AP1B1: variants seen among roughly 807,000 people sequenced by gnomAD.
AP1B1 encodes AP-1 complex subunit beta-1.
Under a neutral mutation model 104.3 loss-of-function variants are expected in AP1B1, and 36 were observed. The observed-to-expected ratio is 0.35, with a 90% confidence interval of 0.26 to 0.46. The LOEUF is 0.46. Ranked by LOEUF, AP1B1 falls within the 20% of genes least tolerant of loss-of-function variation. The pLI is 1.00. For synonymous variants in AP1B1, 504 were observed against 517.5 expected (o/e 0.97, Z 0.35); for missense variants, 901 against 1,247.9 (o/e 0.72, Z 4.19).
intron 1 of AP1B1, among the ~76,000 whole-genome samples, chr22:29,367,916 C>T (rs547961907): frequency 1.3e-5 from 2 of 152,330 alleles, no homozygotes; most frequent in East Asian, 3.9e-4. Context: ...CTGTACTCTA[C>T]AGCAGTTCCC....
rs905377582 is a variant in AP1B1 at position 29,330,422 on chromosome 22, C to A, written c.2722G>T (p.Val908Leu). ...QSLKLTNGIW[V>L]LAELRIQPGN... ...GGCTGGATCCGCAGCTCCGCCAGCA[C>A]CCAGATGCCGTTGGTCAGCTTCAGG... Residue 908 changes from valine to leucine, a missense_variant, in exon 21 of 23, where the codon GTG (valine) becomes TTG (leucine). Coordinates refer to ENST00000357586, the MANE Select transcript of AP1B1 (RefSeq NM_001127.4). 1.4e-5 allele frequency: 22 copies of A among 1,613,720 alleles called. No homozygotes were observed. Among genetic ancestry groups the A allele is most frequent in the Non-Finnish European group, 1.8e-5 (21 of 1,179,980 alleles).
chr22:29,338,066 A>C (rs1466432369), intron 16 of AP1B1, among the ~76,000 whole-genome samples: 1 of 152,184 alleles, frequency 6.6e-6, no homozygotes, highest in East Asian at 1.9e-4. Flanking sequence ...GGTGTGCCCT[A>C]GGTGGCATAG....
At chr22:29,332,954 AG>A (rs1367088584) in intron 17 of AP1B1, among the ~76,000 whole-genome samples, 2 of 152,204 alleles carry the variant, frequency 1.3e-5, no homozygotes, top group African/African-American at 2.4e-5. Context: ...GGCTCAAGTG[AG>A]ACAATACTCC....
intron 7 of AP1B1, among the ~76,000 whole-genome samples, chr22:29,354,188 G>C (rs987262078): frequency 6.6e-6 from 1 of 152,146 alleles, no homozygotes; most frequent in Non-Finnish European, 1.5e-5. Context: ...TCTGTCCCCC[G>C]AAGAAATGTA....
chr22:29,367,983 C>T (rs2062170921), intron 1 of AP1B1, among the ~76,000 whole-genome samples: 1 of 152,138 alleles, frequency 6.6e-6, no homozygotes, highest in Non-Finnish European at 1.5e-5. Context: ...TAGCGCAAAG[C>T]TCACAGCGTG....
At chr22:29,387,257 G>A (rs1429348249) in intron 1 of AP1B1, among the ~76,000 whole-genome samples, 1 of 151,784 alleles carries the variant, frequency 6.6e-6, no homozygotes, top group Non-Finnish European at 1.5e-5. Flanking sequence ...AAAGCAATAA[G>A]GCTACATCGT....
At chr22:29,358,307 A>C (rs1269127015) in intron 5 of AP1B1, among the ~76,000 whole-genome samples, 2 of 152,164 alleles carry the variant, frequency 1.3e-5, no homozygotes, top group Non-Finnish European at 2.9e-5. Context: ...GGGAAGGGAA[A>C]AGCACCACAC....
rs150041836 is a variant in AP1B1 at position 29,380,360 on chromosome 22, C to T, written c.-28+8064G>A. Among the ~76,000 whole-genome samples, 1,152 of 151,914 alleles carry T rather than the reference C, an allele frequency of 7.6e-3. 19 individuals are homozygous for T. The highest frequency in any genetic ancestry group is 0.027 in the African/African-American group (1,099 of 41,340). ...TATTTTGCCTCTTTGGTGGATCATCCGGTATCACAGCTTTACATACCATCC... is the reference window on the plus strand; with the variant it reads ...TATTTTGCCTCTTTGGTGGATCATCTGGTATCACAGCTTTACATACCATCC... On this transcript the variant is annotated intron_variant, in intron 1 of 22. Coordinates refer to ENST00000357586, the MANE Select transcript of AP1B1 (RefSeq NM_001127.4).
intron 3 of AP1B1, among the ~76,000 whole-genome samples, chr22:29,362,425 C>T (rs1244012192): frequency 1.3e-5 from 2 of 151,862 alleles, no homozygotes; most frequent in East Asian, 3.9e-4. Context: ...CAGCTGAATG[C>T]ACCCTGTGTC....
chr22:29,370,679 A>G (rs1267210878), intron 1 of AP1B1: 1 of 152,042 alleles, frequency 6.6e-6, no homozygotes, highest in African/African-American at 2.4e-5. Flanking sequence ...ACTGACCAAG[A>G]GGAGAAACGG....
intron 13 of AP1B1, 38 bp downstream of exon 13, chr22:29,341,463 A>C (rs371558740): frequency 6.3e-7 from 1 of 1,588,904 alleles, no homozygotes; most frequent in African/African-American, 1.3e-5. Flanking sequence ...GGGGAAGCAG[A>C]GTGTGAAGGC....
intron 11 of AP1B1, among the ~76,000 whole-genome samples, chr22:29,348,089 A>G (rs561237415): frequency 1.3e-5 from 2 of 152,386 alleles, no homozygotes; most frequent in East Asian, 3.9e-4. Context: ...AAAATAAATG[A>G]GAGGGCAGTG....
At position 29,341,536 on chromosome 22, in the gene AP1B1, G is replaced by GC; in HGVS notation, c.1760dup (p.Val588ArgfsTer14). 1 of 1,613,988 alleles carries GC rather than the reference G, an allele frequency of 6.2e-7. No homozygotes were observed. Among genetic ancestry groups the GC allele is most frequent in the Non-Finnish European group, 8.5e-7 (1 of 1,179,956 alleles). On this transcript the variant is annotated frameshift_variant, in exon 13 of 23. Transcript: ENST00000357586. LOFTEE classifies it high-confidence loss of function. ...GAGGTGGCAGGCTCTTGTGCACGACGCCCCGGCCCCCCTCCACAAAGGCAC... is the reference window on the plus strand; with the variant it reads ...GAGGTGGCAGGCTCTTGTGCACGACGCCCCCGGCCCCCCTCCACAAAGGCAC...
At chr22:29,333,954 A>G (rs2061599151) in intron 17 of AP1B1, among the ~76,000 whole-genome samples, 1 of 152,156 alleles carries the variant, frequency 6.6e-6, no homozygotes, top group African/African-American at 2.4e-5. Context: ...AGTCCCAGTT[A>G]CTCGGGAGGC....
intron 13 of AP1B1, 24 bp downstream of exon 13, chr22:29,341,477 G>C: frequency 6.2e-7 from 1 of 1,600,792 alleles, no homozygotes; most frequent in Non-Finnish European, 8.5e-7. Context: ...TGAAGGCGCA[G>C]GCCGACTGGC....
intron 1 of AP1B1, among the ~76,000 whole-genome samples, chr22:29,387,420 G>A (rs2062545561): frequency 6.7e-6 from 1 of 149,276 alleles, no homozygotes; most frequent in African/African-American, 2.5e-5. Flanking sequence ...CGATTCTCCT[G>A]CCTCAGCCTC....
chr22:29,329,198 G>A (rs1224351944), intron 22 of AP1B1: 10 of 1,237,960 alleles, frequency 8.1e-6, no homozygotes, highest in Non-Finnish European at 1.0e-5. Flanking sequence ...CCCCCACCCT[G>A]AGGGCTGCCC....
rs1403066528 is a variant in AP1B1 at position 29,340,696 on chromosome 22, A to G, written c.1958T>C (p.Met653Thr). 2 of 1,582,748 alleles carry G rather than the reference A, an allele frequency of 1.3e-6. No individual in the cohort carries two copies. The highest frequency in any genetic ancestry group is 8.6e-7 in the Non-Finnish European group (1 of 1,164,456). Residue 653 changes from methionine to threonine, a missense_variant, in exon 14 of 23, where the codon ATG (methionine) becomes ACG (threonine). Physicochemically the swap from Met to Thr is moderately conservative, Grantham distance 81 (BLOSUM62 -1). Around this residue, in one of 3 missense-constraint regions of AP1B1, gnomAD observed 424 missense variants for 494.0 expected, o/e 0.86. Coordinates refer to ENST00000357586, the MANE Select transcript of AP1B1 (RefSeq NM_001127.4). Reference sequence around the variant, plus strand: ...ACCGCCAAGAAGGTCCACAGCTCCCATCTGCACCGAGGAGGTGGCCAGGGG... The same window carrying G: ...ACCGCCAAGAAGGTCCACAGCTCCCGTCTGCACCGAGGAGGTGGCCAGGGG... ...GPPLATSSVQ[M>T]GAVDLLGGGL...
At position 29,358,745 on chromosome 22, in the gene AP1B1, A is replaced by G; in HGVS notation, c.506T>C (p.Ile169Thr). Residue 169 changes from isoleucine to threonine, a missense_variant, in exon 5 of 23, where the codon ATC becomes ACC. Physicochemically the swap from Ile to Thr is moderately conservative, Grantham distance 89 (BLOSUM62 -1). Coordinates refer to ENST00000357586, the MANE Select transcript of AP1B1 (RefSeq NM_001127.4). ...GCTTACCATGGGGTTAGAGTCGGAG[A>G]TGAGGTCTTTAAGGGTGTCCAGGAA... ...QGFLDTLKDL[I>T]SDSNPMVVAN... 6.2e-7 allele frequency: 1 copy of G among 1,613,378 alleles called. No individual in the cohort carries two copies.
Sources: gnomAD v4.1 joint callset for allele counts (sites outside exome capture counted in the v4.1 genomes callset) on GRCh38, gnomAD v4.1.1 for gene constraint, gnomAD v4.1.1 regional missense constraint, MANE v1.5 for transcripts, NCBI Gene and HGNC (gene_info 2026-07-23, HGNC 2026-07-21) for gene names.